RNF11: variants seen among roughly 807,000 people sequenced by gnomAD.
The protein encoded by RNF11 is ring finger protein 11.
Under a neutral mutation model 15.8 loss-of-function variants are expected in RNF11, and 4 were observed. That is an observed-to-expected ratio of 0.25 (90% CI 0.12 to 0.58). The LOEUF is 0.58. Ranked by LOEUF, RNF11 falls within the 20% of genes least tolerant of loss-of-function variation. The pLI, the probability that RNF11 is intolerant of heterozygous loss-of-function variation, is 0.91. For synonymous variants in RNF11, 68 were observed against 72.3 expected, an observed-to-expected ratio of 0.94 and a Z score of 0.30; for missense variants, 139 against 194.4, an observed-to-expected ratio of 0.71 and a Z score of 1.70.
chr1:51,259,850 T>C (rs773685150), intron 1 of RNF11, among the ~76,000 whole-genome samples: 1 of 152,234 alleles, frequency 6.6e-6, no homozygotes, highest in Non-Finnish European at 1.5e-5. Flanking sequence ...AAATAGCGTA[T>C]GTAGGAGAAG....
rs192491008 is a variant in RNF11, at chr1:51,249,278, C to T, written c.123+12399C>T. Among the ~76,000 whole-genome samples, 87 of 152,170 alleles carry T rather than the reference C, an allele frequency of 5.7e-4. 1 individual carries two copies. In the East Asian group the frequency reaches 0.015, roughly 26 times the overall value. ...TCTTTTGATTGACTGATTGATTGGT[C>T]GATTGATTGAGATAGGGCTCTCGCT... is the stretch of plus-strand genomic sequence containing the variant. On this transcript the variant is annotated intron_variant, in intron 1 of 2. Coordinates refer to ENST00000242719, the MANE Select transcript of RNF11 (RefSeq NM_014372.5).
intron 1 of RNF11, among the ~76,000 whole-genome samples, chr1:51,242,560 C>T (rs1012833771): frequency 6.6e-6 from 1 of 152,070 alleles, no homozygotes; most frequent in Admixed American, 6.6e-5. Context: ...TAAAAATAAC[C>T]CCCTTCCTTA....
At position 51,271,420 on chromosome 1, in the gene RNF11, G is replaced by A. The variant is rs1490288228; in HGVS notation, c.*98G>A. On this transcript the variant is annotated 3_prime_UTR_variant, in exon 3 of 3. Coordinates refer to ENST00000242719, the MANE Select transcript of RNF11 (RefSeq NM_014372.5). The stretch of plus-strand genomic sequence containing the variant: ...GAGCCAGGGATTAGGAATTAAGATC[G>A]TGCACAAAAGTTTCCTTAAAATTCC... 6 of 974,888 alleles carry A rather than the reference G, an allele frequency of 6.2e-6. No homozygotes were observed. The highest frequency in any genetic ancestry group is 3.2e-5 in the African/African-American group (2 of 61,550). 60.4% of individuals were successfully genotyped at this position (974,888 alleles called of 1,614,324 possible). A position where few individuals can be genotyped will look rare whatever the true frequency, so the allele number is the denominator to read the frequency against.
intron 1 of RNF11, among the ~76,000 whole-genome samples, chr1:51,264,287 A>ATT (rs1248532023): frequency 1.8e-4 from 6 of 32,530 alleles, no homozygotes; most frequent in African/African-American, 6.3e-4. Flanking sequence ...AAAAAAAAAA[A>ATT]ATATATATAT....
At chr1:51,265,091 C>G (rs920489170) in intron 1 of RNF11, 4 of 152,242 alleles carry the variant, frequency 2.6e-5, no homozygotes, top group Admixed American at 2.6e-4. Context: ...CTTTGGGAGG[C>G]CAAGGCAGGT....
At chr1:51,269,893 A>G in intron 1 of RNF11, 63 bp from the exon 2 acceptor site, 1 of 1,462,826 alleles carries the variant, frequency 6.8e-7, no homozygotes, top group South Asian at 1.2e-5. Context: ...TCTCTGACCA[A>G]AAAATAAGCC....
At chr1:51,244,497 G>A (rs1374922385) in intron 1 of RNF11, among the ~76,000 whole-genome samples, 36 of 152,030 alleles carry the variant, frequency 2.4e-4, no homozygotes. Flanking sequence ...CCATTCTCCT[G>A]CCTCAGCCTG....
intron 1 of RNF11, among the ~76,000 whole-genome samples, chr1:51,262,944 T>G (rs981478936): frequency 6.6e-6 from 1 of 152,150 alleles, no homozygotes; most frequent in Non-Finnish European, 1.5e-5. Context: ...TCACATCTTA[T>G]CCACTTGAAT....
At chr1:51,256,045 G>T (rs188287821) in intron 1 of RNF11, among the ~76,000 whole-genome samples, 325 of 152,100 alleles carry the variant, frequency 2.1e-3, no homozygotes, top group Middle Eastern at 3.4e-3. Context: ...TTTTTTTAAT[G>T]AACCCACATT....
chr1:51,251,519 C>T lies in RNF11; in HGVS notation c.123+14640C>T, dbSNP rs201671913. 12 of 579,938 alleles carry T rather than the reference C, an allele frequency of 2.1e-5. No individual in the cohort carries two copies. In the East Asian group the frequency reaches 3.2e-4, roughly 15 times the overall value. The allele number at this position is 579,938 out of a possible 1,614,324, so 35.9% of individuals were successfully genotyped here. ...AAGGATTTGTGACAATTTGAATAAACTTAGGTGATTCTCATTTTTTGAAAT... is the reference window on the plus strand; with the variant it reads ...AAGGATTTGTGACAATTTGAATAAATTTAGGTGATTCTCATTTTTTGAAAT... On this transcript the variant is annotated intron_variant, in intron 1 of 2. Coordinates refer to ENST00000242719, the MANE Select transcript of RNF11 (RefSeq NM_014372.5).
At chr1:51,244,506 T>A (rs1646843736) in intron 1 of RNF11, among the ~76,000 whole-genome samples, 1 of 152,058 alleles carries the variant, frequency 6.6e-6, no homozygotes, top group Non-Finnish European at 1.5e-5. Context: ...TGCCTCAGCC[T>A]GTCCCGAGTA....
intron 1 of RNF11, among the ~76,000 whole-genome samples, chr1:51,261,791 C>T (rs2148072525): frequency 6.6e-6 from 1 of 152,050 alleles, no homozygotes; most frequent in South Asian, 2.1e-4. Context: ...GGGTTCACAC[C>T]ATTCTCCTGC....
At chr1:51,269,456 G>A (rs770276036) in intron 1 of RNF11, among the ~76,000 whole-genome samples, 6 of 152,138 alleles carry the variant, frequency 3.9e-5, no homozygotes, top group Non-Finnish European at 8.8e-5. Context: ...TTATACACAC[G>A]ATTCCTTTGA....
At position 51,270,065 on chromosome 1, in the gene RNF11, A is replaced by G. The variant is rs1467101452; in HGVS notation, c.233A>G (p.Gln78Arg). Residue 78 changes from glutamine (Q) to arginine (R), a missense_variant, in exon 2 of 3, where the codon CAA (glutamine) becomes CGA (arginine). Transcript: ENST00000242719. ...IRIAQRIGLI[Q>R]HLPKGVYDPG... is the part of the protein sequence containing the mutation. ...ATAGCTCAAAGAATAGGTCTTATAC[A>G]ACATCTGCCTAAAGGAGTTTATGAC... 3 of 1,613,720 alleles carry G rather than the reference A, an allele frequency of 1.9e-6. No homozygotes were observed. The highest frequency in any genetic ancestry group is 2.5e-6 in the Non-Finnish European group (3 of 1,179,806).
At chr1:51,268,261 C>T (rs1333258807) in intron 1 of RNF11, among the ~76,000 whole-genome samples, 2 of 152,166 alleles carry the variant, frequency 1.3e-5, no homozygotes, top group African/African-American at 4.8e-5. Flanking sequence ...CCACATTCAT[C>T]TTTAAAATAT....
intron 1 of RNF11, among the ~76,000 whole-genome samples, chr1:51,266,298 G>A (rs1646954282): frequency 1.3e-5 from 2 of 152,158 alleles, no homozygotes; most frequent in Admixed American, 1.3e-4. Context: ...TTTTGAAAGA[G>A]ACAACAACCC....
intron 1 of RNF11, 107 bp from the exon 2 acceptor site, chr1:51,269,849 T>C (rs1646970338): frequency 1.1e-6 from 1 of 879,316 alleles, no homozygotes; most frequent in Non-Finnish European, 1.8e-6. Flanking sequence ...CTAGCCCAGC[T>C]TCCTACCCCT....
At chr1:51,240,751 G>T (rs1164219507) in intron 1 of RNF11, among the ~76,000 whole-genome samples, 1 of 151,396 alleles carries the variant, frequency 6.6e-6, no homozygotes, top group African/African-American at 2.4e-5. Context: ...GTTTTTTTTT[G>T]TTTGTTTTTT....
chr1:51,251,317 C>T (rs989214936), intron 1 of RNF11: 68 of 1,517,354 alleles, frequency 4.5e-5, no homozygotes, highest in Non-Finnish European at 5.6e-5. Context: ...TTATCCTCGG[C>T]CTTGCCTCCG....
Sources: gnomAD v4.1 joint callset for allele counts (sites outside exome capture counted in the v4.1 genomes callset) on GRCh38, gnomAD v4.1.1 for gene constraint, MANE v1.5 for transcripts, NCBI Gene and HGNC (gene_info 2026-07-23, HGNC 2026-07-21) for gene names.